The following NOVA1 variants were observed in gnomAD, a reference collection of about 807,000 sequenced individuals.
NOVA1 encodes NOVA alternative splicing regulator 1.
NOVA1 carries 7 observed loss-of-function variants against 38.0 expected under a neutral mutation model. The ratio of observed to expected loss-of-function variants is 0.18; its 90% CI spans 0.10 to 0.35. NOVA1 has a LOEUF of 0.35. Ranked by LOEUF, NOVA1 falls within the 10% of genes least tolerant of loss-of-function variation. NOVA1 has a pLI of 1.00. For missense variants in NOVA1, 460 were observed against 616.0 expected (o/e 0.75, Z 2.68); for synonymous variants, 270 against 232.5 (o/e 1.16, Z -1.47).
intron 2 of NOVA1, among the ~76,000 whole-genome samples, chr14:26,525,976 ATTCTTT>A (rs1315516827): frequency 6.6e-6 from 1 of 152,112 alleles, no homozygotes; most frequent in Non-Finnish European, 1.5e-5. Flanking sequence ...ATAAGACAAA[ATTCTTT>A]CCACCTGGTA....
At chr14:26,542,383 C>T (rs1245197) in intron 2 of NOVA1, among the ~76,000 whole-genome samples, 144,980 of 151,830 alleles carry the variant, frequency 0.95, 69,555 homozygotes, top group East Asian at 1. Flanking sequence ...TGCCTGACTA[C>T]ATGTATTAAA....
intron 2 of NOVA1, among the ~76,000 whole-genome samples, chr14:26,480,731 G>A (rs899430123): frequency 2.0e-5 from 3 of 150,170 alleles, no homozygotes; most frequent in African/African-American, 4.9e-5. Flanking sequence ...GTTTTGTTTT[G>A]TGCTGTAGTA....
At chr14:26,490,538 G>A (rs1249667950) in intron 2 of NOVA1, among the ~76,000 whole-genome samples, 1 of 152,132 alleles carries the variant, frequency 6.6e-6, no homozygotes, top group Non-Finnish European at 1.5e-5. Flanking sequence ...ATCCTAATAG[G>A]TGTGAAGAGC....
chr14:26,486,431 C>T (rs763013999), intron 2 of NOVA1, among the ~76,000 whole-genome samples: 11 of 151,798 alleles, frequency 7.2e-5, no homozygotes, highest in Admixed American at 3.3e-4. Context: ...GGTTCCGGGC[C>T]GGGCATGGTG....
At chr14:26,527,046 A>G (rs1378607250) in intron 2 of NOVA1, among the ~76,000 whole-genome samples, 2 of 100,158 alleles carry the variant, frequency 2.0e-5, no homozygotes, top group Non-Finnish European at 4.4e-5. Flanking sequence ...GTAAAGTCCA[A>G]TGAGGTGCTC....
At chr14:26,451,310 A>T (rs1206161226) in intron 4 of NOVA1, among the ~76,000 whole-genome samples, 1 of 152,132 alleles carries the variant, frequency 6.6e-6, no homozygotes, top group African/African-American at 2.4e-5. Context: ...TTTTTTAACA[A>T]TAAAAAAACA....
At chr14:26,518,903 T>A (rs921340131) in intron 2 of NOVA1, among the ~76,000 whole-genome samples, 1 of 152,114 alleles carries the variant, frequency 6.6e-6, no homozygotes. Flanking sequence ...ATTTTTCATG[T>A]GTAAAATGTG....
intron 2 of NOVA1, chr14:26,549,815 G>T: frequency 8.7e-7 from 1 of 1,143,616 alleles, no homozygotes; most frequent in Non-Finnish European, 1.2e-6. Context: ...CAGTTGCTGC[G>T]TTCCACCTCA....
chr14:26,496,814 C>T (rs960350977), intron 2 of NOVA1, among the ~76,000 whole-genome samples: 39 of 151,954 alleles, frequency 2.6e-4, no homozygotes, highest in Non-Finnish European at 2.4e-4. Flanking sequence ...AGATATGCGG[C>T]GTTATTTCTG....
intron 3 of NOVA1, among the ~76,000 whole-genome samples, chr14:26,478,825 A>G (rs961770061): frequency 6.6e-6 from 1 of 151,968 alleles, no homozygotes; most frequent in African/African-American, 2.4e-5. Flanking sequence ...TTTGTATAGA[A>G]TAACAACTAC....
At chr14:26,542,796 A>G (rs1349946356) in intron 2 of NOVA1, among the ~76,000 whole-genome samples, 2 of 151,278 alleles carry the variant, frequency 1.3e-5, no homozygotes, top group Non-Finnish European at 3.0e-5. Context: ...AATTAAATTA[A>G]TTAGTTATTT....
chr14:26,591,614 G>C (rs1893844364), intron 2 of NOVA1, among the ~76,000 whole-genome samples: 2 of 151,466 alleles, frequency 1.3e-5, no homozygotes, highest in African/African-American at 4.8e-5. Flanking sequence ...GATGTAAACA[G>C]AAATAATGTT....
At chr14:26,595,812 T>C (rs1338730935) in intron 1 of NOVA1, 3 of 351,662 alleles carry the variant, frequency 8.5e-6, no homozygotes, top group African/African-American at 2.1e-5. Context: ...TTTGCAGCAC[T>C]GTAAAAACTG....
chr14:26,544,982 T>C (rs913167259), intron 2 of NOVA1, among the ~76,000 whole-genome samples: 2 of 152,088 alleles, frequency 1.3e-5, no homozygotes, highest in Admixed American at 1.3e-4. Context: ...GGACCTGAAA[T>C]ACATTTTATA....
At chr14:26,545,909 T>G (rs1041443247) in intron 2 of NOVA1, among the ~76,000 whole-genome samples, 10 of 152,206 alleles carry the variant, frequency 6.6e-5, no homozygotes, top group African/African-American at 2.4e-4. Flanking sequence ...CTTAATTCAG[T>G]TAAGATTAAT....
chr14:26,570,692 T>C (rs1892420357), intron 2 of NOVA1, among the ~76,000 whole-genome samples: 1 of 152,138 alleles, frequency 6.6e-6, no homozygotes, highest in African/African-American at 2.4e-5. Flanking sequence ...AAACAACACA[T>C]AAACTACTCT....
chr14:26,545,943 TCAGTAGTCTTTTA>T (rs533273718), intron 2 of NOVA1, among the ~76,000 whole-genome samples: 234 of 152,244 alleles, frequency 1.5e-3, no homozygotes, highest in African/African-American at 5.4e-3. Context: ...GTTTCTGGCA[TCAGTAGTCTTTTA>T]CGCAAACTTA....
intron 2 of NOVA1, among the ~76,000 whole-genome samples, chr14:26,577,537 C>A (rs1271541043): frequency 3.3e-5 from 5 of 152,086 alleles, no homozygotes; most frequent in Non-Finnish European, 1.5e-5. Flanking sequence ...TAGCAGAGTG[C>A]ATTTCTGTAA....
intron 2 of NOVA1, among the ~76,000 whole-genome samples, chr14:26,547,281 T>C (rs1051081944): frequency 1.3e-5 from 2 of 152,048 alleles, no homozygotes; most frequent in African/African-American, 2.4e-5. Context: ...AGATAAGAGG[T>C]ATCTGTTTTA....
Sources: allele counts gnomAD v4.1 joint callset (sites outside exome capture counted in the v4.1 genomes callset), GRCh38; gene constraint gnomAD v4.1.1; transcripts MANE v1.5; gene names NCBI Gene and HGNC (gene_info 2026-07-23, HGNC 2026-07-21).